The following SYNDIG1 variants were observed in gnomAD, a reference collection of about 807,000 sequenced individuals.
SYNDIG1 encodes the protein synapse differentiation-inducing gene protein 1.
In SYNDIG1, 9 loss-of-function variants were observed where a neutral mutation model predicts 19.4. That is an observed-to-expected ratio of 0.46 (90% CI 0.28 to 0.81). The LOEUF (loss-of-function observed/expected upper bound fraction) is 0.81. Ranked by LOEUF, SYNDIG1 falls within the 30% of genes least tolerant of loss-of-function variation. SYNDIG1 has a pLI of 0.12. For synonymous variants in SYNDIG1, 141 were observed against 145.9 expected (o/e 0.97, Z 0.24); for missense variants, 311 against 343.3 (o/e 0.91, Z 0.74).
At chr20:24,627,621 C>G (rs890722687) in intron 3 of SYNDIG1, among the ~76,000 whole-genome samples, 3 of 152,278 alleles carry the variant, frequency 2.0e-5, no homozygotes, top group African/African-American at 7.2e-5. Context: ...AGACATGAAG[C>G]CTTCCCCGGT....
intron 3 of SYNDIG1, among the ~76,000 whole-genome samples, chr20:24,592,442 A>C (rs1273234316): frequency 6.6e-6 from 1 of 152,136 alleles, no homozygotes; most frequent in African/African-American, 2.4e-5. Context: ...CCGTCAAGAC[A>C]TTGCTCAGAG....
chr20:24,610,709 G>A (rs2058833741), intron 3 of SYNDIG1, among the ~76,000 whole-genome samples: 1 of 152,220 alleles, frequency 6.6e-6, no homozygotes, highest in Non-Finnish European at 1.5e-5. Context: ...ATGAGCTGAT[G>A]AGTCTGGAGG....
intron 3 of SYNDIG1, among the ~76,000 whole-genome samples, chr20:24,607,075 C>T (rs1267464120): frequency 1.3e-5 from 2 of 152,022 alleles, no homozygotes; most frequent in African/African-American, 4.8e-5. Context: ...AAAACTCCAC[C>T]TTGGCCGGGC....
At chr20:24,567,786 C>T (rs2058075661) in intron 2 of SYNDIG1, among the ~76,000 whole-genome samples, 1 of 152,198 alleles carries the variant, frequency 6.6e-6, no homozygotes, top group Non-Finnish European at 1.5e-5. Flanking sequence ...CCCACTTGGC[C>T]CATGTGATGT....
chr20:24,662,261 G>T (rs1214237379), intron 3 of SYNDIG1, among the ~76,000 whole-genome samples: 1 of 151,624 alleles, frequency 6.6e-6, no homozygotes, highest in Non-Finnish European at 1.5e-5. Context: ...GGACAGGAAG[G>T]GGGTGCTTCC....
intron 1 of SYNDIG1, among the ~76,000 whole-genome samples, chr20:24,477,858 G>T (rs867063841): frequency 9.8e-5 from 15 of 152,322 alleles, no homozygotes; most frequent in Middle Eastern, 3.4e-3. Flanking sequence ...CCAAAGAATA[G>T]ACCTCAGTCA....
In SYNDIG1 at chr20:24,602,438, T is replaced by C. The variant is rs2058692781; in HGVS notation, c.618+17445T>C. ...TAGCTCATGAGGGGCTGGTGTACTT[T>C]CATGTCACCTTTTCTCTCATGGCTT... On this transcript the variant is annotated intron_variant, in intron 3 of 3. Coordinates refer to ENST00000376862, the MANE Select transcript of SYNDIG1 (RefSeq NM_024893.3). Among the ~76,000 whole-genome samples, 3 of 152,336 alleles carry C rather than the reference T, an allele frequency of 2.0e-5. No homozygotes were observed. In the South Asian group the frequency reaches 6.2e-4, roughly 32 times the overall value.
chr20:24,545,592 C>T (rs1452181994), intron 2 of SYNDIG1, among the ~76,000 whole-genome samples: 2 of 152,076 alleles, frequency 1.3e-5, no homozygotes, highest in Admixed American at 6.5e-5. Context: ...CAGGAGCCCT[C>T]CCCCGGCTGA....
chr20:24,524,645 CAAAA>C (rs112704748), intron 1 of SYNDIG1, among the ~76,000 whole-genome samples: 1 of 117,114 alleles, frequency 8.5e-6, no homozygotes, highest in Non-Finnish European at 1.9e-5. Flanking sequence ...GACTCTGTCT[CAAAA>C]AAAAAAAAAA....
At chr20:24,592,971 A>G (rs1052414690) in intron 3 of SYNDIG1, among the ~76,000 whole-genome samples, 1 of 152,198 alleles carries the variant, frequency 6.6e-6, no homozygotes, top group Admixed American at 6.5e-5. Flanking sequence ...AGTTGAGGTC[A>G]GTAAATCATC....
chr20:24,646,180 T>C (rs894412638), intron 3 of SYNDIG1, among the ~76,000 whole-genome samples: 5 of 152,208 alleles, frequency 3.3e-5, no homozygotes, highest in Non-Finnish European at 7.3e-5. Context: ...AAACCATGCA[T>C]GTTCCTCCAA....
intron 2 of SYNDIG1, among the ~76,000 whole-genome samples, chr20:24,559,123 G>GTGTA (rs2057884592): frequency 6.6e-6 from 1 of 150,904 alleles, no homozygotes; most frequent in Admixed American, 6.6e-5. Context: ...TAAAAATGTG[G>GTGTA]TATATATATA....
chr20:24,662,733 C>T (rs2059615163), intron 3 of SYNDIG1, among the ~76,000 whole-genome samples: 1 of 152,248 alleles, frequency 6.6e-6, no homozygotes, highest in African/African-American at 2.4e-5. Context: ...TAACCGCCTG[C>T]ACTTATTTTC....
chr20:24,665,567 C>T lies in SYNDIG1; in HGVS notation c.*63C>T. 1 of 1,604,080 alleles carries T rather than the reference C, an allele frequency of 6.2e-7. No homozygotes were observed. Among genetic ancestry groups the T allele is most frequent in the Non-Finnish European group, 8.5e-7 (1 of 1,175,410 alleles). On this transcript the variant is annotated 3_prime_UTR_variant, in exon 4 of 4. Coordinates refer to ENST00000376862, the MANE Select transcript of SYNDIG1 (RefSeq NM_024893.3). ...TCTGTGTGGACGTGGAGGAAGCAGGCATACCGCATGATGCTGTACAGTACA... is the reference window on the plus strand; with the variant it reads ...TCTGTGTGGACGTGGAGGAAGCAGGTATACCGCATGATGCTGTACAGTACA...
At chr20:24,562,957 T>A (rs2146890779) in intron 2 of SYNDIG1, among the ~76,000 whole-genome samples, 2 of 152,362 alleles carry the variant, frequency 1.3e-5, no homozygotes, top group Non-Finnish European at 2.9e-5. Context: ...GTTTGAGTAG[T>A]TAAGAGGCCC....
intron 2 of SYNDIG1, among the ~76,000 whole-genome samples, chr20:24,562,769 G>T (rs2057971189): frequency 6.6e-6 from 1 of 152,196 alleles, no homozygotes; most frequent in Non-Finnish European, 1.5e-5. Context: ...ATGTAAAATT[G>T]TGGGTGAGTA....
At chr20:24,515,373 A>G (rs1296233195) in intron 1 of SYNDIG1, among the ~76,000 whole-genome samples, 1 of 152,240 alleles carries the variant, frequency 6.6e-6, no homozygotes, top group African/African-American at 2.4e-5. Context: ...AAGCATATTC[A>G]ATTAGGAAAA....
intron 3 of SYNDIG1, among the ~76,000 whole-genome samples, chr20:24,659,520 C>T (rs987672884): frequency 6.6e-6 from 1 of 152,196 alleles, no homozygotes. Context: ...ACACAAGGGC[C>T]CAGACAGGAG....
chr20:24,478,322 G>T (rs2055693678), intron 1 of SYNDIG1, among the ~76,000 whole-genome samples: 1 of 152,180 alleles, frequency 6.6e-6, no homozygotes, highest in Non-Finnish European at 1.5e-5. Context: ...TAGGAGGGAG[G>T]GGTGGAGACT....
Sources: gnomAD v4.1 joint callset for allele counts (sites outside exome capture counted in the v4.1 genomes callset) on GRCh38, gnomAD v4.1.1 for gene constraint, MANE v1.5 for transcripts, NCBI Gene and HGNC (gene_info 2026-07-23, HGNC 2026-07-21) for gene names.